FBXO21: variants seen among roughly 807,000 people sequenced by gnomAD.
FBXO21 encodes the protein F-box protein 21, also known as F-box only protein 21.
FBXO21 carries 32 observed loss-of-function variants against 76.6 expected under a neutral mutation model. That is an observed-to-expected ratio of 0.42 (90% CI 0.32 to 0.56). The LOEUF is 0.56. Among genes scored for constraint, FBXO21 ranks in the 20% least tolerant of loss-of-function variants. The probability of loss-of-function intolerance (pLI) is 0.16; values close to 1 mark genes in which losing one functional copy is unlikely to be tolerated. For synonymous variants in FBXO21, 328 were observed against 311.5 expected, an observed-to-expected ratio of 1.05 and a Z score of -0.56; for missense variants, 586 against 797.3, an observed-to-expected ratio of 0.73 and a Z score of 3.19.
At chr12:117,151,174 T>C (rs1407065726) in intron 11 of FBXO21, among the ~76,000 whole-genome samples, 1 of 152,164 alleles carries the variant, frequency 6.6e-6, no homozygotes, top group Non-Finnish European at 1.5e-5. Context: ...GTTGAATTCC[T>C]GGCCTTTCAA....
intron 11 of FBXO21, chr12:117,155,471 G>A (rs910765891): frequency 2.8e-5 from 9 of 322,936 alleles, no homozygotes. Context: ...CTTCTAGTCT[G>A]GGAGGAGCCG....
chr12:117,150,883 G>A (rs1955831673), intron 11 of FBXO21, among the ~76,000 whole-genome samples: 1 of 149,728 alleles, frequency 6.7e-6, no homozygotes, highest in African/African-American at 2.5e-5. Context: ...GTGTGTGTGT[G>A]TGTGTGTGTG....
At chr12:117,178,315 A>G (rs917618745) in intron 3 of FBXO21, among the ~76,000 whole-genome samples, 1 of 152,092 alleles carries the variant, frequency 6.6e-6, no homozygotes, top group African/African-American at 2.4e-5. Flanking sequence ...CAAAATGTGC[A>G]CACTTCCCAA....
At position 117,174,736 on chromosome 12, in the gene FBXO21, C is replaced by A; in HGVS notation, c.654G>T (p.Gln218His). ...PLSDISLKDIQAQIDSIVELV... is the reference protein window; with the variant it reads ...PLSDISLKDIHAQIDSIVELV... Reference sequence around the variant, plus strand: ...GCTCCACGATGCTGTCAATTTGGGCCTGGATGTCTTTGAGGCTGATGTCGG... The same window carrying A: ...GCTCCACGATGCTGTCAATTTGGGCATGGATGTCTTTGAGGCTGATGTCGG... Residue 218 changes from glutamine to histidine, a missense_variant, in exon 5 of 12, where the codon CAG (glutamine) becomes CAT (histidine). Around this residue, in one of 6 missense-constraint regions of FBXO21, gnomAD observed 246 missense variants for 356.8 expected, o/e 0.69. Transcript: ENST00000622495. The A allele has an allele frequency of 6.2e-7, 1 of 1,614,172 alleles. No individual in the cohort carries two copies. The highest frequency in any genetic ancestry group is 1.1e-5 in the South Asian group (1 of 91,074).
At chr12:117,187,119 A>G (rs1214603054) in intron 2 of FBXO21, among the ~76,000 whole-genome samples, 1 of 151,348 alleles carries the variant, frequency 6.6e-6, no homozygotes, top group South Asian at 2.1e-4. Flanking sequence ...TCCGTTTTAA[A>G]AAAAATAAAA....
chr12:117,152,993 C>T (rs1156402144), intron 11 of FBXO21, among the ~76,000 whole-genome samples: 1 of 151,932 alleles, frequency 6.6e-6, no homozygotes, highest in East Asian at 1.9e-4. Context: ...GGGAACCGTG[C>T]TGGGGCTGTA....
chr12:117,150,587 C>A (rs1955826020), intron 11 of FBXO21, among the ~76,000 whole-genome samples: 1 of 152,164 alleles, frequency 6.6e-6, no homozygotes, highest in African/African-American at 2.4e-5. Flanking sequence ...GCTTAGTATT[C>A]ATTCCAGTCT....
rs780274977 is a variant in FBXO21, at chr12:117,146,150, C to A, written c.1803G>T (p.Leu601=). Residue 601 remains leucine (L), a synonymous_variant, in exon 12 of 12, where the codon CTG becomes CTT. Transcript: ENST00000622495. ...TCTGCACCGTTTCATAGACAAACTC[C>A]AGATCTTCTGGATACCGGATCTCCA... ...AELEIRYPED[L]EFVYETVQNI... The A allele has an allele frequency of 1.9e-6, 3 of 1,613,918 alleles. No individual in the cohort carries two copies. Among genetic ancestry groups the A allele is most frequent in the Non-Finnish European group, 2.5e-6 (3 of 1,179,952 alleles).
chr12:117,168,440 C>CTTGAACCCAGGAAGCAA (rs1956082452), intron 7 of FBXO21, among the ~76,000 whole-genome samples: 4 of 152,208 alleles, frequency 2.6e-5, no homozygotes, highest in South Asian at 4.2e-4. Flanking sequence ...AGGAGAATCA[C>CTTGAACCCAGGAAGCAA]TTGAACCCAG....
At chr12:117,161,894 G>A (rs561371420) in intron 9 of FBXO21, among the ~76,000 whole-genome samples, 1 of 152,342 alleles carries the variant, frequency 6.6e-6, no homozygotes, top group South Asian at 2.1e-4. Flanking sequence ...GGAGTAGCCT[G>A]CAGTGACAGG....
chr12:117,168,481 A>G (rs1216783564), intron 7 of FBXO21, among the ~76,000 whole-genome samples: 1 of 151,960 alleles, frequency 6.6e-6, no homozygotes, highest in Non-Finnish European at 1.5e-5. Context: ...TCAAGATCGC[A>G]CCACTGCCCT....
chr12:117,184,439 A>C (rs895111853), intron 3 of FBXO21, among the ~76,000 whole-genome samples: 2 of 152,168 alleles, frequency 1.3e-5, no homozygotes, highest in African/African-American at 4.8e-5. Context: ...AATGGAAAAA[A>C]AAGTGGTTGT....
chr12:117,158,952 A>T (rs931482086), intron 9 of FBXO21, among the ~76,000 whole-genome samples: 1 of 152,178 alleles, frequency 6.6e-6, no homozygotes, highest in Admixed American at 6.5e-5. Flanking sequence ...CTTCCAATTT[A>T]CTGAGTCCTG....
In FBXO21 at chr12:117,155,909, G is replaced by T. The variant is rs1955910461; in HGVS notation, c.1557C>A (p.Thr519=). 2 of 1,614,198 alleles carry T rather than the reference G, an allele frequency of 1.2e-6. No individual in the cohort carries two copies. Among genetic ancestry groups the T allele is most frequent in the Admixed American group, 1.7e-5 (1 of 60,030 alleles). ...YNCVIYGWDP[T]CMMGHEWIRN... ...GGATCCACTCGTGTCCCATCATGCA[G>T]GTGGGGTCCCAGCCGTAGATCACAC... The change falls in exon 11 of 12, where the codon ACC becomes ACA. Residue 519 remains threonine, a synonymous_variant. Coordinates refer to ENST00000622495, the MANE Select transcript of FBXO21 (RefSeq NM_015002.3).
At chr12:117,171,207 A>G (rs938043098) in intron 7 of FBXO21, among the ~76,000 whole-genome samples, 1 of 151,968 alleles carries the variant, frequency 6.6e-6, no homozygotes, top group Non-Finnish European at 1.5e-5. Flanking sequence ...CTACAAAAAA[A>G]TTAGCCAGGT....
At chr12:117,149,707 G>A (rs987553418) in intron 11 of FBXO21, among the ~76,000 whole-genome samples, 1 of 152,230 alleles carries the variant, frequency 6.6e-6, no homozygotes, top group Admixed American at 6.5e-5. Context: ...CTGCTCCAGA[G>A]ACCCAGCCCT....
rs1190913010 is a variant in FBXO21, at chr12:117,190,392, G to T, written c.65C>A (p.Pro22Gln). 4 of 1,500,552 alleles carry T rather than the reference G, an allele frequency of 2.7e-6. No individual in the cohort carries two copies. The highest frequency in any genetic ancestry group is 2.6e-6 in the Non-Finnish European group (3 of 1,132,940). 93.0% of individuals were successfully genotyped at this position (1,500,552 alleles called of 1,614,324 possible). ...VVPALAEEAA[P>Q]EVAGLSCLVN... ...GAGGCAGCTGAGGCCCGCTACCTCCGGCGCGGCCTCCTCCGCCAGCGCCGG... is the reference window on the plus strand; with the variant it reads ...GAGGCAGCTGAGGCCCGCTACCTCCTGCGCGGCCTCCTCCGCCAGCGCCGG... The change falls in exon 1 of 12, where the codon CCG becomes CAG. Residue 22 changes from proline (P) to glutamine (Q), a missense_variant. This residue lies in a region of FBXO21 where 152 missense variants were observed against 127.2 expected (regional missense o/e 1.19). Transcript: ENST00000622495.
intron 3 of FBXO21, among the ~76,000 whole-genome samples, chr12:117,180,649 C>T (rs1454184982): frequency 6.6e-6 from 1 of 151,846 alleles, no homozygotes; most frequent in Non-Finnish European, 1.5e-5. Flanking sequence ...TCTTTTGAGA[C>T]GGAGTCTCGC....
At chr12:117,187,949 T>G (rs1956300200) in intron 2 of FBXO21, among the ~76,000 whole-genome samples, 1 of 152,238 alleles carries the variant, frequency 6.6e-6, no homozygotes, top group Non-Finnish European at 1.5e-5. Context: ...CCAATTACAC[T>G]AAGGAATGTC....
Sources: allele counts gnomAD v4.1 joint callset (sites outside exome capture counted in the v4.1 genomes callset), GRCh38; gene constraint gnomAD v4.1.1; regional missense constraint gnomAD v4.1.1; transcripts MANE v1.5; gene names NCBI Gene and HGNC (gene_info 2026-07-23, HGNC 2026-07-21).